Variants in LPP observed in about 807,000 individuals in gnomAD.
LPP encodes LIM domain containing preferred translocation partner in lipoma, also known as lipoma-preferred partner.
LPP carries 38 observed loss-of-function variants against 60.4 expected under a neutral mutation model. The ratio of observed to expected loss-of-function variants is 0.63; its 90% CI spans 0.49 to 0.83. The LOEUF (loss-of-function observed/expected upper bound fraction) is 0.83, where lower values mean the gene tolerates loss of function less well. Ranked by LOEUF, LPP falls within the 40% of genes least tolerant of loss-of-function variation. LPP has a pLI of 0.00. For missense variants in LPP, 902 were observed against 783.6 expected (o/e 1.15, Z -1.80); for synonymous variants, 328 against 290.8 (o/e 1.13, Z -1.30).
chr3:188,646,267 A>G (rs1363482576), intron 7 of LPP, among the ~76,000 whole-genome samples: 1 of 152,098 alleles, frequency 6.6e-6, no homozygotes, highest in East Asian at 1.9e-4. Flanking sequence ...GTGACCAAGG[A>G]TGGTCAGCCA....
chr3:188,252,557 G>T (rs747583036), intron 2 of LPP, among the ~76,000 whole-genome samples: 1 of 151,980 alleles, frequency 6.6e-6, no homozygotes, highest in Non-Finnish European at 1.5e-5. Context: ...TTTCTCTGAT[G>T]GAATGTCCCA....
chr3:188,855,633 G>A (rs1763660453), intron 9 of LPP, among the ~76,000 whole-genome samples: 1 of 152,140 alleles, frequency 6.6e-6, no homozygotes, highest in Non-Finnish European at 1.5e-5. Context: ...AATATTTACT[G>A]AGCTCCTTCT....
At position 188,872,483 on chromosome 3, in the gene LPP, T is replaced by G. The variant is rs1216050816; in HGVS notation, c.1590-160T>G. Among the ~76,000 whole-genome samples, 3 of 152,206 alleles carry G rather than the reference T, an allele frequency of 2.0e-5. No homozygotes were observed. In the East Asian group the frequency reaches 5.8e-4, roughly 29 times the overall value. On this transcript the variant is annotated intron_variant, in intron 10 of 11. Transcript: ENST00000617246. ...CAAATATCACAATATTTACCACCGA[T>G]TGATGGAAGAACCTCCACAGTCCCT...
intron 3 of LPP, among the ~76,000 whole-genome samples, chr3:188,353,184 C>T (rs182904063): frequency 2.2e-4 from 34 of 152,236 alleles, no homozygotes; most frequent in African/African-American, 7.5e-4. Flanking sequence ...ACAGGGTCCT[C>T]GGGAGCAGAA....
chr3:188,407,674 T>C (rs1783838736), intron 4 of LPP, among the ~76,000 whole-genome samples: 1 of 152,152 alleles, frequency 6.6e-6, no homozygotes, highest in Admixed American at 6.5e-5. Flanking sequence ...TGACTCATCC[T>C]TCTTTAGTGA....
chr3:188,373,793 C>A (rs1027497182), intron 3 of LPP, among the ~76,000 whole-genome samples: 40 of 151,864 alleles, frequency 2.6e-4, no homozygotes, highest in African/African-American at 9.7e-4. Flanking sequence ...ATGCCTATGT[C>A]CTGAATGGTA....
chr3:188,413,228 G>A (rs777972181), intron 4 of LPP, among the ~76,000 whole-genome samples: 6 of 152,122 alleles, frequency 3.9e-5, no homozygotes, highest in South Asian at 2.1e-4. Flanking sequence ...TGCTGCGAAC[G>A]TATGGTCCTC....
intron 9 of LPP, among the ~76,000 whole-genome samples, chr3:188,784,050 T>G (rs549858728): frequency 6.6e-6 from 1 of 152,022 alleles, no homozygotes; most frequent in Non-Finnish European, 1.5e-5. Context: ...TGCACCATAT[T>G]TGTAATCTTT....
At chr3:188,215,688 A>G (rs183650437) in intron 1 of LPP, among the ~76,000 whole-genome samples, 91 of 152,308 alleles carry the variant, frequency 6.0e-4, no homozygotes, top group African/African-American at 2.1e-3. Flanking sequence ...ACTATTTTTT[A>G]ACCTCCATGT....
In LPP at chr3:188,259,709, G is replaced by A. The variant is rs186049778; in HGVS notation, c.-67+34182G>A. Among the ~76,000 whole-genome samples, 15 of 152,228 alleles carry A rather than the reference G, an allele frequency of 9.9e-5. No individual in the cohort carries two copies. In the East Asian group the frequency reaches 2.5e-3, roughly 25 times the overall value. ...TTTCCCCCAGTGTATGTGTTACTTT[G>A]TTCAATTCAGCAGTTGTCCAAAGCT... On this transcript the variant is annotated intron_variant, in intron 2 of 11. Coordinates refer to ENST00000617246, the MANE Select transcript of LPP (RefSeq NM_001375462.1).
At chr3:188,332,062 C>T (rs371165810) in intron 2 of LPP, among the ~76,000 whole-genome samples, 8 of 151,394 alleles carry the variant, frequency 5.3e-5, no homozygotes, top group African/African-American at 1.7e-4. Flanking sequence ...AGAGTTCTTC[C>T]CTCCTCCTTT....
intron 9 of LPP, among the ~76,000 whole-genome samples, chr3:188,792,426 G>A (rs6810359): frequency 6.6e-6 from 1 of 152,088 alleles, no homozygotes; most frequent in Non-Finnish European, 1.5e-5. Flanking sequence ...GTTTGCTGCC[G>A]GTGAGAAGCA....
intron 2 of LPP, among the ~76,000 whole-genome samples, chr3:188,314,144 T>C (rs149538979): frequency 6.6e-6 from 1 of 152,218 alleles, no homozygotes; most frequent in Admixed American, 6.5e-5. Context: ...ATAGTAAATA[T>C]TAAATAACTG....
At chr3:188,523,898 A>ATGAGTCCTTGTTTT in intron 5 of LPP, among the ~76,000 whole-genome samples, 1 of 25,920 alleles carries the variant, frequency 3.9e-5, no homozygotes, top group East Asian at 3.2e-3. Context: ...ATCTCACTTT[A>ATGAGTCCTTGTTTT]TAATCCAGAC....
intron 9 of LPP, among the ~76,000 whole-genome samples, chr3:188,788,870 A>C (rs953075654): frequency 5.3e-5 from 8 of 151,850 alleles, no homozygotes; most frequent in African/African-American, 1.9e-4. Context: ...CATTTTCTTC[A>C]TCTTTCCCAC....
intron 2 of LPP, chr3:188,240,014 G>A: frequency 5.1e-6 from 1 of 196,234 alleles, no homozygotes; most frequent in Non-Finnish European, 1.1e-5. Flanking sequence ...AGTTGCTCAA[G>A]GTCTCAGAGA....
intron 4 of LPP, among the ~76,000 whole-genome samples, chr3:188,416,297 G>T (rs1786255582): frequency 6.6e-6 from 1 of 152,150 alleles, no homozygotes; most frequent in Non-Finnish European, 1.5e-5. Context: ...TCATCAGAAA[G>T]ACTTGGAGAA....
chr3:188,481,922 A>T (rs2149637092), intron 4 of LPP, among the ~76,000 whole-genome samples: 1 of 152,268 alleles, frequency 6.6e-6, no homozygotes, highest in Non-Finnish European at 1.5e-5. Context: ...ACATAGTAAT[A>T]TGGTTTAGCT....
intron 2 of LPP, among the ~76,000 whole-genome samples, chr3:188,249,901 A>AT (rs372331542): frequency 0.012 from 1,050 of 87,806 alleles, 17 homozygotes; most frequent in African/African-American, 0.035. Context: ...ATATATATAT[A>AT]TTTTTTTTTT....
Sources: gnomAD v4.1 joint callset for allele counts (sites outside exome capture counted in the v4.1 genomes callset) on GRCh38, gnomAD v4.1.1 for gene constraint, MANE v1.5 for transcripts, NCBI Gene and HGNC (gene_info 2026-07-23, HGNC 2026-07-21) for gene names.